Variants in NRXN3 observed in about 807,000 individuals in gnomAD.
NRXN3 encodes neurexin III.
A neutral mutation model predicts 137.6 loss-of-function variants in NRXN3; 32 were observed. The observed-to-expected ratio is 0.23, with a 90% CI of 0.18 to 0.31. The LOEUF is 0.31. Ranked by LOEUF, NRXN3 falls within the 10% of genes least tolerant of loss-of-function variation. The pLI is 1.00. For missense variants in NRXN3, 1,574 were observed against 2,062.5 expected, an observed-to-expected ratio of 0.76 and a Z score of 4.59; for synonymous variants, 798 against 784.5, an observed-to-expected ratio of 1.02 and a Z score of -0.29.
At chr14:79,448,453 C>T (rs1428667828) in intron 15 of NRXN3, among the ~76,000 whole-genome samples, 1 of 152,188 alleles carries the variant, frequency 6.6e-6, no homozygotes, top group African/African-American at 2.4e-5. Context: ...AAGTCAAGGA[C>T]TTTGCTAGTT....
At chr14:78,324,268 A>G (rs2079766065) in intron 4 of NRXN3, among the ~76,000 whole-genome samples, 1 of 152,086 alleles carries the variant, frequency 6.6e-6, no homozygotes, top group Non-Finnish European at 1.5e-5. Flanking sequence ...TGCACACTGC[A>G]AAGTGTCTAT....
chr14:79,812,354 A>G (rs2099237135), intron 20 of NRXN3, among the ~76,000 whole-genome samples: 1 of 152,214 alleles, frequency 6.6e-6, no homozygotes, highest in Admixed American at 6.5e-5. Context: ...CGCTTCCAGA[A>G]GTTCAGTTTA....
At chr14:78,868,369 A>T (rs1180072468) in intron 10 of NRXN3, among the ~76,000 whole-genome samples, 1 of 152,118 alleles carries the variant, frequency 6.6e-6, no homozygotes, top group Non-Finnish European at 1.5e-5. Flanking sequence ...AGTTGATCTG[A>T]AATTTGTGTT....
intron 16 of NRXN3, among the ~76,000 whole-genome samples, chr14:79,631,841 C>G (rs1304240254): frequency 6.7e-6 from 1 of 150,102 alleles, no homozygotes; most frequent in African/African-American, 2.5e-5. Flanking sequence ...ACTTGGAGAC[C>G]TTTTCTGTCT....
At chr14:78,458,766 G>T (rs1463403907) in intron 4 of NRXN3, among the ~76,000 whole-genome samples, 1 of 152,172 alleles carries the variant, frequency 6.6e-6, no homozygotes, top group Non-Finnish European at 1.5e-5. Flanking sequence ...TAGAAGAATA[G>T]GTGCCTGTTG....
intron 15 of NRXN3, among the ~76,000 whole-genome samples, chr14:79,113,007 T>C (rs2053811558): frequency 6.6e-6 from 1 of 152,234 alleles, no homozygotes; most frequent in African/African-American, 2.4e-5. Flanking sequence ...TTGTTCACAG[T>C]AGACCGACCT....
intron 20 of NRXN3, 138 bp downstream of exon 20, chr14:79,805,328 GT>G (rs2099200042): frequency 5.0e-6 from 2 of 399,740 alleles, no homozygotes; most frequent in African/African-American, 4.2e-5. Flanking sequence ...ATCTATATAT[GT>G]ATAAGTATAC....
intron 10 of NRXN3, among the ~76,000 whole-genome samples, chr14:78,902,966 C>T (rs899744764): frequency 1.3e-5 from 2 of 151,730 alleles, no homozygotes; most frequent in East Asian, 3.9e-4. Context: ...TCATCCTTTT[C>T]AAGGTAATTC....
intron 16 of NRXN3, among the ~76,000 whole-genome samples, chr14:79,498,154 A>G (rs139528706): frequency 2.6e-5 from 4 of 152,350 alleles, no homozygotes; most frequent in African/African-American, 7.2e-5. Context: ...CAAGTTTCCT[A>G]TAATGAGCAT....
Position 79,692,275 on chromosome 14 carries a change from A to C in NRXN3, c.3706+13A>C. 4 of 1,578,434 alleles carry C rather than the reference A, an allele frequency of 2.5e-6. No homozygotes were observed. Among genetic ancestry groups the C allele is most frequent in the Non-Finnish European group, 3.5e-6 (4 of 1,155,712 alleles). On this transcript the variant is annotated intron_variant, in intron 18 of 20. Transcript: ENST00000335750. ...CTGCAGGAAAAAGGTAACCGTCATT[A>C]AAACTTTCATTTTAAAATCATTTGA...
chr14:78,833,194 G>GT (rs773171325), intron 10 of NRXN3, among the ~76,000 whole-genome samples: 1 of 152,236 alleles, frequency 6.6e-6, no homozygotes, highest in East Asian at 1.9e-4. Context: ...AACAAATTCT[G>GT]TAATTAGTAC....
rs79461610 is a variant in NRXN3 at position 79,525,672 on chromosome 14, G to T, written c.3444+58270G>T. ...TTGCGTGGTATTCATTTTCCTTTTA[G>T]CATTGCACTTGATTTGTGAAGTAGT... On this transcript the variant is annotated intron_variant, in intron 16 of 20. Coordinates refer to ENST00000335750, the MANE Select transcript of NRXN3 (RefSeq NM_001330195.2). Among the ~76,000 whole-genome samples the T allele has an allele frequency of 1.6e-3, 239 of 152,220 alleles. 3 individuals carry two copies. In the East Asian group the frequency reaches 0.03, roughly 19 times the overall value.
At chr14:78,491,729 T>G (rs2095672377) in intron 4 of NRXN3, among the ~76,000 whole-genome samples, 1 of 152,118 alleles carries the variant, frequency 6.6e-6, no homozygotes, top group Non-Finnish European at 1.5e-5. Flanking sequence ...ACCAAACACA[T>G]AATCTCCACA....
At chr14:79,148,301 C>A (rs1033527475) in intron 15 of NRXN3, among the ~76,000 whole-genome samples, 12 of 152,150 alleles carry the variant, frequency 7.9e-5, no homozygotes, top group Non-Finnish European at 1.8e-4. Context: ...AAGAGCCAAC[C>A]ATTCACAGAT....
rs562120586 is a variant in NRXN3, at chr14:78,522,943, A to G, written c.758-122177A>G. ...AGACCCTGAATCCAGCCACACTTGA[A>G]CCATTTTTCTAAAGGAATGTGAATT... On this transcript the variant is annotated intron_variant, in intron 4 of 20. Transcript: ENST00000335750. Among the ~76,000 whole-genome samples the G allele has an allele frequency of 1.6e-4, 25 of 152,232 alleles. No individual in the cohort carries two copies. The East Asian group carries it at 4.4e-3, about 27-fold the overall frequency.
At chr14:79,139,610 A>C (rs981750084) in intron 15 of NRXN3, among the ~76,000 whole-genome samples, 2 of 152,146 alleles carry the variant, frequency 1.3e-5, no homozygotes, top group African/African-American at 4.8e-5. Context: ...GTGTCACTAA[A>C]GCCCTACATT....
intron 4 of NRXN3, among the ~76,000 whole-genome samples, chr14:78,454,919 C>T (rs183459112): frequency 3.9e-5 from 6 of 152,266 alleles, no homozygotes; most frequent in East Asian, 3.9e-4. Context: ...TTGCAAGCCA[C>T]GAGGAGTTTG....
chr14:79,667,461 T>TC (rs1354746953), intron 17 of NRXN3, among the ~76,000 whole-genome samples: 1 of 152,038 alleles, frequency 6.6e-6, no homozygotes, highest in Non-Finnish European at 1.5e-5. Context: ...TCCACAGTCT[T>TC]CTCATGGGCA....
At chr14:79,131,387 C>T (rs2057445490) in intron 15 of NRXN3, among the ~76,000 whole-genome samples, 1 of 151,952 alleles carries the variant, frequency 6.6e-6, no homozygotes, top group African/African-American at 2.4e-5. Context: ...TGTTAGTTTT[C>T]CTTCTAACAG....
Sources: allele counts gnomAD v4.1 joint callset (sites outside exome capture counted in the v4.1 genomes callset), GRCh38; gene constraint gnomAD v4.1.1; transcripts MANE v1.5; gene names NCBI Gene and HGNC (gene_info 2026-07-23, HGNC 2026-07-21).